Variants in TBX18 observed in about 807,000 individuals in gnomAD.
The protein encoded by TBX18 is T-box transcription factor TBX18.
In TBX18, 21 loss-of-function variants were observed where a neutral mutation model predicts 55.0. That is an observed-to-expected ratio of 0.38 (90% confidence interval 0.27 to 0.55). The LOEUF is 0.55. TBX18 is among the 20% of genes least tolerant of loss of function. The pLI is 0.73. For missense variants in TBX18, 840 were observed against 799.6 expected (o/e 1.05, Z -0.61); for synonymous variants, 342 against 326.1 (o/e 1.05, Z -0.53).
In TBX18 at chr6:84,736,422, C is replaced by A. The variant is rs549396392; in HGVS notation, c.*263G>T. The stretch of plus-strand genomic sequence containing the variant: ...GAGAACTTTGCTTAAACATACTACA[C>A]GCATGCCAATACTCCGTGCAACTGG... On this transcript the variant is annotated 3_prime_UTR_variant, in exon 8 of 8. Coordinates refer to ENST00000369663, the MANE Select transcript of TBX18 (RefSeq NM_001080508.3). The A allele has an allele frequency of 6.9e-6, 2 of 289,174 alleles. No homozygotes were observed. The highest frequency in any genetic ancestry group is 2.2e-5 in the African/African-American group (1 of 46,314). The allele number at this position is 289,174 out of a possible 1,614,324, so 17.9% of individuals were successfully genotyped here. A position where few individuals can be genotyped will look rare whatever the true frequency, so the allele number is the denominator to read the frequency against.
rs568746759 is a variant in TBX18, at chr6:84,734,113, A to C, written c.*2572T>G. 1 of 152,298 alleles carries C rather than the reference A, an allele frequency of 6.6e-6. No homozygotes were observed. Among genetic ancestry groups the C allele is most frequent in the South Asian group, 2.1e-4 (1 of 4,820 alleles). The allele number at this position is 152,298 out of a possible 1,614,324, so 9.4% of individuals were successfully genotyped here. Reference sequence around the variant, plus strand: ...TTTACTAGTCAAGGGGCATAGAAGTAATCTGTCATCACTAGTCAGTGGTGC... The same window carrying C: ...TTTACTAGTCAAGGGGCATAGAAGTCATCTGTCATCACTAGTCAGTGGTGC... On this transcript the variant is annotated 3_prime_UTR_variant, in exon 8 of 8. Coordinates refer to ENST00000369663, the MANE Select transcript of TBX18 (RefSeq NM_001080508.3).
chr6:84,762,777 C>G, intron 1 of TBX18, 29 bp from the exon 2 acceptor site: 1 of 1,567,644 alleles, frequency 6.4e-7, no homozygotes, highest in Non-Finnish European at 8.6e-7. Flanking sequence ...AGAAAGGGAA[C>G]TGGTGAGGGA....
At chr6:84,743,861 C>T (rs539024628) in intron 6 of TBX18, among the ~76,000 whole-genome samples, 2 of 152,262 alleles carry the variant, frequency 1.3e-5, no homozygotes, top group East Asian at 1.9e-4. Context: ...TATGACTTAA[C>T]GAAAGACCCT....
At position 84,762,555 on chromosome 6, in the gene TBX18, G is replaced by A; in HGVS notation, c.486C>T (p.Thr162=). The change falls in exon 2 of 8, where the codon ACC becomes ACT. Residue 162 remains threonine, a synonymous_variant. Coordinates refer to ENST00000369663, the MANE Select transcript of TBX18 (RefSeq NM_001080508.3). ...AGCTTGCCCATTACCTGCCGGCCTT[G>A]GTGATGATCATCTCAGTGCCTATCT... ...FHEIGTEMII[T]KAGRRMFPAM... The A allele has an allele frequency of 6.2e-7, 1 of 1,614,050 alleles. No individual in the cohort carries two copies. Among genetic ancestry groups the A allele is most frequent in the Non-Finnish European group, 8.5e-7 (1 of 1,180,026 alleles).
chr6:84,737,474 T>C, intron 7 of TBX18, 65 bp from the exon 8 acceptor site: 3 of 1,476,328 alleles, frequency 2.0e-6, no homozygotes, highest in Non-Finnish European at 2.7e-6. Flanking sequence ...ATTTTGTAAA[T>C]ATGAGCTAGA....
chr6:84,735,350 T>G lies in TBX18; in HGVS notation c.*1335A>C, dbSNP rs1050080546. On this transcript the variant is annotated 3_prime_UTR_variant, in exon 8 of 8. Coordinates refer to ENST00000369663, the MANE Select transcript of TBX18 (RefSeq NM_001080508.3). ...GGAATTAAAAAATTTAATACTGATT[T>G]TAATTTCTCCAGTTCTGACATTACA... 1 of 152,356 alleles carries G rather than the reference T, an allele frequency of 6.6e-6. No individual in the cohort carries two copies. The highest frequency in any genetic ancestry group is 6.5e-5 in the Admixed American group (1 of 15,308). 9.4% of individuals were successfully genotyped at this position (152,356 alleles called of 1,614,324 possible).
At chr6:84,745,475 C>T (rs1767157558) in intron 5 of TBX18, among the ~76,000 whole-genome samples, 2 of 152,074 alleles carry the variant, frequency 1.3e-5, no homozygotes, top group South Asian at 4.2e-4. Context: ...TCTGCAGTCC[C>T]CCTACATTGC....
intron 4 of TBX18, among the ~76,000 whole-genome samples, chr6:84,755,590 C>T (rs1014658680): frequency 3.3e-5 from 5 of 152,298 alleles, no homozygotes; most frequent in African/African-American, 7.2e-5. Context: ...CACTAAAATA[C>T]AGGACATGAA....
Position 84,737,011 on chromosome 6 carries a change from T to C in TBX18, c.1498A>G (p.Met500Val), listed in dbSNP as rs756903409. 23 of 1,613,726 alleles carry C rather than the reference T, an allele frequency of 1.4e-5. No individual in the cohort carries two copies. In the East Asian group the frequency reaches 4.9e-4, roughly 34 times the overall value. ...AAGGCATTGCTGGAGGGTGATGGCA[T>C]GATATACTGGAGCTGGGGGGACATT... ...SGMSPQLQYI[M>V]PSPSSNAFAT... Residue 500 changes from methionine (M) to valine (V), a missense_variant, in exon 8 of 8, where the codon ATG becomes GTG. Physicochemically the swap from Met to Val is conservative, Grantham distance 21 (BLOSUM62 1). Coordinates refer to ENST00000369663, the MANE Select transcript of TBX18 (RefSeq NM_001080508.3).
chr6:84,763,882 C>T lies in TBX18; in HGVS notation c.292+8G>A, dbSNP rs1767733412. On this transcript the variant is annotated splice_region_variant and intron_variant, in intron 1 of 7. Coordinates refer to ENST00000369663, the MANE Select transcript of TBX18 (RefSeq NM_001080508.3). ...AGAGAAGTTATAGGCAGGAAGGGGC[C>T]CACTCACCCGCGGCTCCGCGCTCCA... 4 of 1,496,398 alleles carry T rather than the reference C, an allele frequency of 2.7e-6. No individual in the cohort carries two copies. Among genetic ancestry groups the T allele is most frequent in the Middle Eastern group, 1.8e-4 (1 of 5,704 alleles). 92.7% of individuals were successfully genotyped at this position (1,496,398 alleles called of 1,614,324 possible).
At chr6:84,763,236 C>G (rs1440389301) in intron 1 of TBX18, 1 of 368,510 alleles carries the variant, frequency 2.7e-6, no homozygotes, top group African/African-American at 2.1e-5. Flanking sequence ...TGCGGCGCCT[C>G]GCTTTGGGCC....
At chr6:84,755,632 C>CT (rs1000314814) in intron 4 of TBX18, among the ~76,000 whole-genome samples, 7 of 152,308 alleles carry the variant, frequency 4.6e-5, no homozygotes, top group Middle Eastern at 3.4e-3. Flanking sequence ...TACTATGTTA[C>CT]TTTTTTATTT....
intron 3 of TBX18, among the ~76,000 whole-genome samples, chr6:84,759,019 G>T (rs185800531): frequency 6.6e-6 from 1 of 152,032 alleles, no homozygotes; most frequent in Non-Finnish European, 1.5e-5. Context: ...AGAAGAAAAA[G>T]GAATAATTAT....
Position 84,762,667 on chromosome 6 carries a change from G to A in TBX18, c.374C>T (p.Ser125Phe), listed in dbSNP as rs1441271498. The A allele has an allele frequency of 9.9e-6, 16 of 1,610,182 alleles. No individual in the cohort carries two copies. Among genetic ancestry groups the A allele is most frequent in the Non-Finnish European group, 1.4e-5 (16 of 1,178,564 alleles). Residue 125 changes from serine (S) to phenylalanine (F), a missense_variant, in exon 2 of 8, where the codon TCC becomes TTC. Transcript: ENST00000369663. ...CAGAGGGGTCCCGGGCCGGGCCAGG[G>A]AGCGCGCCGGAGACCCCTTGGGGGA... ...GGSPKGSPAR[S>F]LARPGTPLPS... is the part of the protein sequence containing the mutation.
At chr6:84,762,452 C>A in intron 2 of TBX18, 92 bp downstream of exon 2, 1 of 1,448,754 alleles carries the variant, frequency 6.9e-7, no homozygotes, top group Non-Finnish European at 9.7e-7. Flanking sequence ...GAACCCCCAC[C>A]GAGCTGCAGG....
At chr6:84,759,095 T>A (rs939321637) in intron 3 of TBX18, among the ~76,000 whole-genome samples, 2 of 152,172 alleles carry the variant, frequency 1.3e-5, no homozygotes. Flanking sequence ...GGGTTTTAAA[T>A]CAAGTATATT....
chr6:84,755,851 C>T (rs1767472750), intron 4 of TBX18, among the ~76,000 whole-genome samples: 1 of 152,190 alleles, frequency 6.6e-6, no homozygotes. Flanking sequence ...TTTATGACAA[C>T]TTACATTTTG....
chr6:84,736,595 A>G lies in TBX18; in HGVS notation c.*90T>C. 1 of 1,403,240 alleles carries G rather than the reference A, an allele frequency of 7.1e-7. No individual in the cohort carries two copies. Among genetic ancestry groups the G allele is most frequent in the Non-Finnish European group, 9.4e-7 (1 of 1,058,444 alleles). 86.9% of individuals were successfully genotyped at this position (1,403,240 alleles called of 1,614,324 possible). A position where few individuals can be genotyped will look rare whatever the true frequency, so the allele number is the denominator to read the frequency against. On this transcript the variant is annotated 3_prime_UTR_variant, in exon 8 of 8. Coordinates refer to ENST00000369663, the MANE Select transcript of TBX18 (RefSeq NM_001080508.3). ...TTTCTATTATATGTACATTTTATAA[A>G]CCACAGAGAGTTTCTTTCCACATAG...
chr6:84,760,417 C>G, intron 2 of TBX18, 61 bp from the exon 3 acceptor site: 4 of 1,114,394 alleles, frequency 3.6e-6, no homozygotes, highest in Non-Finnish European at 5.1e-6. Flanking sequence ...AAGGATGGAG[C>G]GTGAATAAGC....
Sources: allele counts gnomAD v4.1 joint callset (sites outside exome capture counted in the v4.1 genomes callset), GRCh38; gene constraint gnomAD v4.1.1; transcripts MANE v1.5; gene names NCBI Gene and HGNC (gene_info 2026-07-23, HGNC 2026-07-21).